The following BAZ1A variants were observed in gnomAD, a reference collection of about 807,000 sequenced individuals.
The protein encoded by BAZ1A is bromodomain adjacent to zinc finger domain protein 1A.
Under a neutral mutation model 185.2 loss-of-function variants are expected in BAZ1A, and 50 were observed. That is an observed-to-expected ratio of 0.27 (90% CI 0.22 to 0.34). The LOEUF (loss-of-function observed/expected upper bound fraction) is 0.34, where lower values mean the gene tolerates loss of function less well. Among genes scored for constraint, BAZ1A ranks in the 10% least tolerant of loss-of-function variants. The probability of loss-of-function intolerance (pLI) is 1.00; values close to 1 mark genes in which losing one functional copy is unlikely to be tolerated. For missense variants in BAZ1A, 1,356 were observed against 1,839.9 expected (o/e 0.74, Z 4.81); for synonymous variants, 571 against 615.6 (o/e 0.93, Z 1.07).
chr14:34,766,236 A>G (rs1878832006), intron 21 of BAZ1A, among the ~76,000 whole-genome samples: 1 of 152,242 alleles, frequency 6.6e-6, no homozygotes, highest in Non-Finnish European at 1.5e-5. Flanking sequence ...TATCTGTCAC[A>G]GTAAATGCTA....
intron 3 of BAZ1A, among the ~76,000 whole-genome samples, chr14:34,846,249 T>C (rs891666211): frequency 6.6e-6 from 1 of 152,204 alleles, no homozygotes; most frequent in Non-Finnish European, 1.5e-5. Flanking sequence ...CCACTCCCCA[T>C]TTTAATCATC....
chr14:34,842,294 T>C (rs2042426959), intron 3 of BAZ1A, among the ~76,000 whole-genome samples: 1 of 152,282 alleles, frequency 6.6e-6, no homozygotes, highest in Middle Eastern at 3.4e-3. Context: ...AAATGAAATA[T>C]TTGTTTCCCC....
At chr14:34,844,777 G>GCGCACA (rs1429071176) in intron 3 of BAZ1A, among the ~76,000 whole-genome samples, 2 of 86,804 alleles carry the variant, frequency 2.3e-5, no homozygotes, top group African/African-American at 7.4e-5. Flanking sequence ...ACACACACGC[G>GCGCACA]CACACACACA....
intron 3 of BAZ1A, among the ~76,000 whole-genome samples, chr14:34,850,082 CA>C (rs949204477): frequency 1.6e-4 from 24 of 146,640 alleles, no homozygotes; most frequent in African/African-American, 2.0e-4. Flanking sequence ...TCCCTGTGAC[CA>C]AAAAAAAAAG....
At chr14:34,835,579 G>A (rs1286290582) in intron 3 of BAZ1A, among the ~76,000 whole-genome samples, 1 of 151,816 alleles carries the variant, frequency 6.6e-6, no homozygotes, top group Non-Finnish European at 1.5e-5. Flanking sequence ...ACATTTCAGA[G>A]TGAAAGCAAG....
chr14:34,841,217 T>G (rs1469175222), intron 3 of BAZ1A, among the ~76,000 whole-genome samples: 1 of 152,192 alleles, frequency 6.6e-6, no homozygotes, highest in Non-Finnish European at 1.5e-5. Flanking sequence ...TGGAAGGAGA[T>G]GAAGGAAATT....
At chr14:34,780,678 G>C (rs1879979793) in intron 16 of BAZ1A, among the ~76,000 whole-genome samples, 1 of 152,156 alleles carries the variant, frequency 6.6e-6, no homozygotes, top group South Asian at 2.1e-4. Flanking sequence ...AGAGAAATGG[G>C]AGGAGCTTAT....
intron 24 of BAZ1A, among the ~76,000 whole-genome samples, chr14:34,759,360 T>C (rs754335756): frequency 6.6e-6 from 1 of 151,912 alleles, no homozygotes; most frequent in Non-Finnish European, 1.5e-5. Flanking sequence ...TTGTTTTGTA[T>C]TTTTAGTAGA....
Position 34,816,433 on chromosome 14 carries a change from C to T in BAZ1A, c.537-5397G>A, listed in dbSNP as rs986561687. Among the ~76,000 whole-genome samples the T allele has an allele frequency of 5.9e-5, 9 of 152,200 alleles. No individual in the cohort carries two copies. In the East Asian group the frequency reaches 1.7e-3, roughly 29 times the overall value. ...TTGCCCTTGTACTCCTGCAAATCAC[C>T]ATCAGGACAGGATAGGTAACCAAAA... On this transcript the variant is annotated intron_variant, in intron 4 of 26. Transcript: ENST00000360310.
chr14:34,850,593 A>G (rs1212791248), intron 3 of BAZ1A, among the ~76,000 whole-genome samples: 1 of 152,220 alleles, frequency 6.6e-6, no homozygotes, highest in Non-Finnish European at 1.5e-5. Context: ...CTAAAGTTGT[A>G]TTCCAAAGAA....
rs59706713 is a variant in BAZ1A, at chr14:34,820,122, G to GTTTTT, written c.536+5886_536+5890dup. On this transcript the variant is annotated intron_variant, in intron 4 of 26. Transcript: ENST00000360310. ...TTGCCATTTTTTAATTGGGTTCCTCGTTTTTTTTTTTTTTTTTTTTTTTGA... is the reference window on the plus strand; with the variant it reads ...TTGCCATTTTTTAATTGGGTTCCTCGTTTTTTTTTTTTTTTTTTTTTTTTTTTTGA... Among the ~76,000 whole-genome samples, 698 of 80,592 alleles carry GTTTTT rather than the reference G, an allele frequency of 8.7e-3. 19 individuals are homozygous for GTTTTT. Among genetic ancestry groups the GTTTTT allele is most frequent in the Non-Finnish European group, 0.012 (532 of 44,458 alleles). The allele number at this position is 80,592 out of a possible 152,430, so 52.9% of individuals were successfully genotyped here.
chr14:34,856,289 C>CTT (rs10707416), intron 3 of BAZ1A, among the ~76,000 whole-genome samples: 27,567 of 134,362 alleles, frequency 0.21, 3,193 homozygotes, highest in South Asian at 0.32. Flanking sequence ...TCAAGAGCAT[C>CTT]TTTTTTTTTT....
rs2042325962 is a variant in BAZ1A at position 34,836,101 on chromosome 14, C to T, written c.393-9945G>A. ...GCAAATTATAAAACTTTCTATAGGC[C>T]GGGCGCGGTGGCTCACGCCTGTAAT... On this transcript the variant is annotated intron_variant, in intron 3 of 26. Coordinates refer to ENST00000360310, the MANE Select transcript of BAZ1A (RefSeq NM_013448.3). 7.1e-5 allele frequency among the ~76,000 whole-genome samples: 2 copies of T among 28,214 alleles called. 1 individual carries two copies. The highest frequency in any genetic ancestry group is 8.4e-4 in the Admixed American group (2 of 2,374). The allele number at this position is 28,214 out of a possible 152,430, so 18.5% of individuals were successfully genotyped here.
Position 34,810,031 on chromosome 14 carries a change from C to T in BAZ1A, c.638+904G>A, listed in dbSNP as rs1566574253. ...CCCCAAAACCAACCAACCAACAAAC[C>T]ACACACACCTCAATACAGCCACAGA... On this transcript the variant is annotated intron_variant, in intron 5 of 26. Coordinates refer to ENST00000360310, the MANE Select transcript of BAZ1A (RefSeq NM_013448.3). Among the ~76,000 whole-genome samples the T allele has an allele frequency of 2.6e-5, 4 of 152,240 alleles. No individual in the cohort carries two copies. The South Asian group carries it at 8.3e-4, about 32-fold the overall frequency.
chr14:34,843,975 G>A (rs1463253826), intron 3 of BAZ1A, among the ~76,000 whole-genome samples: 2 of 151,224 alleles, frequency 1.3e-5, no homozygotes, highest in African/African-American at 2.4e-5. Context: ...GGAGGCCGAG[G>A]CGGGCGGATC....
At chr14:34,869,387 A>G (rs573221429) in intron 2 of BAZ1A, among the ~76,000 whole-genome samples, 1 of 152,316 alleles carries the variant, frequency 6.6e-6, no homozygotes, top group African/African-American at 2.4e-5. Context: ...AGAAAAACTC[A>G]TGTTTTCAAG....
intron 3 of BAZ1A, among the ~76,000 whole-genome samples, chr14:34,840,408 A>G (rs1395287624): frequency 6.6e-6 from 1 of 152,200 alleles, no homozygotes; most frequent in Admixed American, 6.5e-5. Context: ...AAAATAAAGT[A>G]CATAAAAACA....
intron 20 of BAZ1A, among the ~76,000 whole-genome samples, chr14:34,772,048 G>A (rs113131010): frequency 0.087 from 13,223 of 151,772 alleles, 864 homozygotes; most frequent in Admixed American, 0.2. Context: ...TCTGCCTCCC[G>A]GGTTCACACC....
chr14:34,756,843 G>C (rs1265474628), intron 25 of BAZ1A, among the ~76,000 whole-genome samples: 1 of 152,118 alleles, frequency 6.6e-6, no homozygotes. Flanking sequence ...GGACTTGTCA[G>C]AAATCCAAGA....
Sources: allele counts gnomAD v4.1 joint callset (sites outside exome capture counted in the v4.1 genomes callset), GRCh38; gene constraint gnomAD v4.1.1; transcripts MANE v1.5; gene names NCBI Gene and HGNC (gene_info 2026-07-23, HGNC 2026-07-21).